RALYL: variants seen among roughly 807,000 people sequenced by gnomAD.
RALYL encodes RALY RNA binding protein like.
Under a neutral mutation model 35.1 loss-of-function variants are expected in RALYL, and 29 were observed. That is an observed-to-expected ratio of 0.83 (90% confidence interval 0.61 to 1.13). RALYL has a LOEUF of 1.13. RALYL is among the 50% of genes most tolerant of loss of function. RALYL has a pLI of 0.00. For synonymous variants in RALYL, 120 were observed against 127.6 expected (o/e 0.94, Z 0.40); for missense variants, 359 against 360.4 (o/e 1.00, Z 0.03).
In RALYL at chr8:84,543,702, G is replaced by GACCA. The variant is rs1564117581; in HGVS notation, c.256+14125_256+14126insACCA. 3.4e-4 allele frequency among the ~76,000 whole-genome samples: 51 copies of GACCA among 151,752 alleles called. 2 individuals carry two copies. In the East Asian group the frequency reaches 9.9e-3, roughly 29 times the overall value. ...CCATATTTATGTTGGTTTCTGGGTC[G>GACCA]TTTTGACATAACTCTAAGAGTCTTT... On this transcript the variant is annotated intron_variant, in intron 2 of 8. Coordinates refer to ENST00000521268, the MANE Select transcript of RALYL (RefSeq NM_173848.7).
intron 2 of RALYL, among the ~76,000 whole-genome samples, chr8:84,686,483 C>A (rs1026281535): frequency 1.2e-4 from 18 of 152,164 alleles, no homozygotes; most frequent in African/African-American, 4.3e-4. Context: ...CAGTTCACTG[C>A]AACCTCCACC....
chr8:84,910,241 T>G (rs1847278140), intron 8 of RALYL, among the ~76,000 whole-genome samples: 1 of 152,120 alleles, frequency 6.6e-6, no homozygotes, highest in Non-Finnish European at 1.5e-5. Context: ...CATGGCATGG[T>G]TCTATTTGTA....
At chr8:84,427,082 T>C (rs1289493927) in intron 1 of RALYL, among the ~76,000 whole-genome samples, 2 of 152,202 alleles carry the variant, frequency 1.3e-5, no homozygotes, top group Non-Finnish European at 2.9e-5. Context: ...GGTACATATA[T>C]ATAATTTTAC....
At chr8:84,388,747 T>A (rs567124490) in intron 1 of RALYL, among the ~76,000 whole-genome samples, 1 of 152,254 alleles carries the variant, frequency 6.6e-6, no homozygotes, top group Non-Finnish European at 1.5e-5. Flanking sequence ...TATTAGCCCT[T>A]TGTCAGATGA....
At chr8:84,644,976 C>G (rs1399715105) in intron 2 of RALYL, among the ~76,000 whole-genome samples, 1 of 151,972 alleles carries the variant, frequency 6.6e-6, no homozygotes, top group African/African-American at 2.4e-5. Flanking sequence ...TCTTGAGCTC[C>G]TGGCCTCAAG....
intron 1 of RALYL, among the ~76,000 whole-genome samples, chr8:84,490,191 T>C (rs2055122241): frequency 6.6e-6 from 1 of 151,550 alleles, no homozygotes; most frequent in African/African-American, 2.4e-5. Context: ...CAAAATTTAT[T>C]AATTTATGAG....
intron 1 of RALYL, among the ~76,000 whole-genome samples, chr8:84,527,909 T>C (rs1401724027): frequency 6.6e-6 from 1 of 152,184 alleles, no homozygotes; most frequent in South Asian, 2.1e-4. Flanking sequence ...CTGTCCAATA[T>C]GAAGTAAAGC....
At chr8:84,451,058 A>C (rs542791125) in intron 1 of RALYL, among the ~76,000 whole-genome samples, 1 of 151,984 alleles carries the variant, frequency 6.6e-6, no homozygotes, top group Non-Finnish European at 1.5e-5. Flanking sequence ...TTAAGTAAGA[A>C]TATTTCAAGT....
intron 1 of RALYL, among the ~76,000 whole-genome samples, chr8:84,198,765 A>G (rs59473762): frequency 1.4e-4 from 21 of 152,240 alleles, no homozygotes; most frequent in African/African-American, 3.9e-4. Context: ...TTCTGTGCCT[A>G]TCTTACTTCG....
intron 2 of RALYL, among the ~76,000 whole-genome samples, chr8:84,634,705 T>C (rs1347565990): frequency 6.6e-6 from 1 of 151,710 alleles, no homozygotes; most frequent in Non-Finnish European, 1.5e-5. Context: ...GATAAAAGAC[T>C]GAGGAAGGGC....
intron 8 of RALYL, among the ~76,000 whole-genome samples, chr8:84,899,106 G>T (rs1563832409): frequency 6.6e-6 from 1 of 152,084 alleles, no homozygotes; most frequent in Non-Finnish European, 1.5e-5. Context: ...ATTTACATAT[G>T]CTGTTCCCTC....
At chr8:84,715,229 G>A (rs1021219566) in intron 2 of RALYL, among the ~76,000 whole-genome samples, 1 of 151,758 alleles carries the variant, frequency 6.6e-6, no homozygotes, top group Non-Finnish European at 1.5e-5. Context: ...CCATATGTCA[G>A]GCACTGTTTT....
chr8:84,583,148 G>A (rs1002851527), intron 2 of RALYL, among the ~76,000 whole-genome samples: 10 of 152,042 alleles, frequency 6.6e-5, no homozygotes, highest in Non-Finnish European at 1.5e-4. Context: ...AAATAACAGT[G>A]CCTTTTAAAT....
At chr8:84,294,311 T>C (rs1839345565) in intron 1 of RALYL, among the ~76,000 whole-genome samples, 1 of 152,236 alleles carries the variant, frequency 6.6e-6, no homozygotes, top group South Asian at 2.1e-4. Flanking sequence ...AGGATGCAAA[T>C]TGAGAGATGT....
At chr8:84,372,558 G>C (rs1251349811) in intron 1 of RALYL, among the ~76,000 whole-genome samples, 1 of 151,762 alleles carries the variant, frequency 6.6e-6, no homozygotes, top group Non-Finnish European at 1.5e-5. Flanking sequence ...CACAGCATAG[G>C]GATACCTTGT....
chr8:84,863,372 A>T (rs573321351), intron 6 of RALYL, among the ~76,000 whole-genome samples: 1 of 152,330 alleles, frequency 6.6e-6, no homozygotes, highest in East Asian at 1.9e-4. Flanking sequence ...TAAGGAAGCC[A>T]GTGTGGCTGC....
intron 3 of RALYL, among the ~76,000 whole-genome samples, chr8:84,804,496 G>GAATTAGATT (rs1824123642): frequency 6.6e-6 from 1 of 152,120 alleles, no homozygotes; most frequent in Admixed American, 6.5e-5. Flanking sequence ...AGTGCAATCA[G>GAATTAGATT]AATTAGATTA....
intron 2 of RALYL, among the ~76,000 whole-genome samples, chr8:84,735,845 A>AGAGG (rs1563478833): frequency 6.6e-6 from 1 of 150,496 alleles, no homozygotes; most frequent in Non-Finnish European, 1.5e-5. Flanking sequence ...AGAGAGAGAG[A>AGAGG]GAGAACGAGA....
At chr8:84,414,547 C>G (rs190413834) in intron 1 of RALYL, among the ~76,000 whole-genome samples, 1 of 152,132 alleles carries the variant, frequency 6.6e-6, no homozygotes, top group South Asian at 2.1e-4. Context: ...GATTTGATTA[C>G]TTCTAAGATA....
Sources: gnomAD v4.1 joint callset for allele counts (sites outside exome capture counted in the v4.1 genomes callset) on GRCh38, gnomAD v4.1.1 for gene constraint, MANE v1.5 for transcripts, NCBI Gene and HGNC (gene_info 2026-07-23, HGNC 2026-07-21) for gene names.